FSIP2: variants seen among roughly 807,000 people sequenced by gnomAD.
FSIP2 encodes the protein fibrous sheath interacting protein 2.
In FSIP2, 367 loss-of-function variants were observed where a neutral mutation model predicts 510.5. The ratio of observed to expected loss-of-function variants is 0.72; its 90% confidence interval spans 0.66 to 0.78. The LOEUF is 0.78. FSIP2 is among the 30% of genes least tolerant of loss of function. The pLI, the probability that FSIP2 is intolerant of heterozygous loss-of-function variation, is 0.00. For synonymous variants in FSIP2, 2,601 were observed against 2,732.2 expected, an observed-to-expected ratio of 0.95 and a Z score of 1.50; for missense variants, 7,594 against 7,901.7, an observed-to-expected ratio of 0.96 and a Z score of 1.48.
At chr2:185,777,867 T>C (rs1480638125) in intron 13 of FSIP2, among the ~76,000 whole-genome samples, 1 of 152,110 alleles carries the variant, frequency 6.6e-6, no homozygotes. Context: ...ACTAGCCCCA[T>C]GAGTTAATTA....
upstream of FSIP2, among the ~76,000 whole-genome samples, chr2:185,737,410 G>A (rs1449084617): frequency 2.0e-5 from 3 of 152,128 alleles, no homozygotes; most frequent in African/African-American, 4.8e-5. Flanking sequence ...TGGATTTTTG[G>A]GGTAGATGGT....
chr2:185,824,294 T>C, intron 19 of FSIP2, 140 bp from the exon 20 acceptor site: 1 of 642,444 alleles, frequency 1.6e-6, no homozygotes, highest in Non-Finnish European at 2.8e-6. Context: ...GAAATCATTT[T>C]TATGTGATTT....
chr2:185,761,868 G>C (rs1203033973), intron 10 of FSIP2, 104 bp from the exon 11 acceptor site: 1 of 571,198 alleles, frequency 1.8e-6, no homozygotes, highest in Non-Finnish European at 3.0e-6. Flanking sequence ...CTGGTTAAAA[G>C]AGGGAAAACA....
chr2:185,756,202 G>T lies in FSIP2; in HGVS notation c.1002G>T (p.Lys334Asn), dbSNP rs756690417. The change falls in exon 9 of 23, where the codon AAG becomes AAT. Residue 334 changes from lysine (K) to asparagine (N), a missense_variant. Coordinates refer to ENST00000424728, the MANE Select transcript of FSIP2 (RefSeq NM_173651.4). Reference protein sequence around the residue: ...RGQDGTHASPKNKKKTSEDIM... With the variant: ...RGQDGTHASPNNKKKTSEDIM... The stretch of plus-strand genomic sequence containing the variant: ...TTATATTTCTTTAAGCTTCTCCAAA[G>T]AATAAAAAGAAGACTTCTGAAGATA... The T allele has an allele frequency of 7.9e-7, 1 of 1,267,548 alleles. No individual in the cohort carries two copies. The highest frequency in any genetic ancestry group is 1.4e-5 in the South Asian group (1 of 70,030). 78.5% of individuals were successfully genotyped at this position (1,267,548 alleles called of 1,614,324 possible). A position where few individuals can be genotyped will look rare whatever the true frequency, so the allele number is the denominator to read the frequency against.
chr2:185,811,448 G>C (rs1693726506), intron 17 of FSIP2, among the ~76,000 whole-genome samples: 1 of 140,972 alleles, frequency 7.1e-6, no homozygotes, highest in Non-Finnish European at 1.5e-5. Flanking sequence ...CAGCCTGGGT[G>C]ACAAAGCGAG....
At chr2:185,820,234 A>C (rs182137748) in intron 19 of FSIP2, among the ~76,000 whole-genome samples, 1 of 151,836 alleles carries the variant, frequency 6.6e-6, no homozygotes, top group Admixed American at 6.6e-5. Context: ...TTCTGTAAGG[A>C]GCTTTTCCCC....
chr2:185,764,277 G>C (rs1692415555), intron 12 of FSIP2, among the ~76,000 whole-genome samples: 2 of 151,628 alleles, frequency 1.3e-5, no homozygotes, highest in Non-Finnish European at 3.0e-5. Context: ...CAAATGTGTA[G>C]GTGGTTTTAA....
intron 2 of FSIP2, chr2:185,740,534 A>G (rs568324591): frequency 5.1e-4 from 77 of 152,370 alleles, no homozygotes; most frequent in African/African-American, 1.8e-3. Flanking sequence ...ATGTCATCAG[A>G]AATAAATAGA....
chr2:185,796,270 C>T lies in FSIP2; in HGVS notation c.9134C>T (p.Pro3045Leu). Residue 3045 changes from proline to leucine, a missense_variant, in exon 16 of 23, where the codon CCA (proline) becomes CTA (leucine). Coordinates refer to ENST00000424728, the MANE Select transcript of FSIP2 (RefSeq NM_173651.4). The part of the protein sequence containing the change: ...LNKKMLPKLQ[P>L]LKMFSDKSES... Reference sequence around the variant, plus strand: ...AAAAAAATGTTGCCAAAATTACAACCACTGAAAATGTTTTCTGATAAATCC... The same window carrying T: ...AAAAAAATGTTGCCAAAATTACAACTACTGAAAATGTTTTCTGATAAATCC... 1 of 1,532,496 alleles carries T rather than the reference C, an allele frequency of 6.5e-7. No homozygotes were observed. The highest frequency in any genetic ancestry group is 8.7e-7 in the Non-Finnish European group (1 of 1,145,272). The allele number at this position is 1,532,496 out of a possible 1,614,324, so 94.9% of individuals were successfully genotyped here. A position where few individuals can be genotyped will look rare whatever the true frequency, so the allele number is the denominator to read the frequency against.
chr2:185,793,177 T>C lies in FSIP2; in HGVS notation c.6041T>C (p.Ile2014Thr). The C allele has an allele frequency of 6.5e-7, 1 of 1,534,074 alleles. No homozygotes were observed. The highest frequency in any genetic ancestry group is 8.7e-7 in the Non-Finnish European group (1 of 1,145,518). Residue 2014 changes from isoleucine to threonine, a missense_variant, in exon 16 of 23, where the codon ATC becomes ACC. By Grantham distance (89) the Ile-to-Thr change is moderately conservative. Coordinates refer to ENST00000424728, the MANE Select transcript of FSIP2 (RefSeq NM_173651.4). ...GTGGCTAGAAGAAATTTACAAGGAA[T>C]CAAACAGGAATTAGATAAAGAAAGG... ...LQVARRNLQG[I>T]KQELDKEREN...
chr2:185,827,408 T>C (rs1694032672), intron 20 of FSIP2, among the ~76,000 whole-genome samples: 1 of 151,834 alleles, frequency 6.6e-6, no homozygotes, highest in Admixed American at 6.6e-5. Context: ...CTCATTCCTA[T>C]ACTATGCATG....
At chr2:185,743,078 A>G in intron 2 of FSIP2, 55 bp from the exon 3 acceptor site, 1 of 1,106,238 alleles carries the variant, frequency 9.0e-7, no homozygotes, top group Non-Finnish European at 1.2e-6. Flanking sequence ...ATTTTGATAG[A>G]TTATTTAAAG....
At chr2:185,812,551 G>A (rs555250942) in intron 17 of FSIP2, among the ~76,000 whole-genome samples, 1 of 152,016 alleles carries the variant, frequency 6.6e-6, no homozygotes, top group Non-Finnish European at 1.5e-5. Context: ...AGAAAGAAAG[G>A]TTAGGTTAGA....
rs960232703 is a variant in FSIP2 at position 185,790,064 on chromosome 2, C to T, written c.2928C>T (p.Gly976=). 6.5e-7 allele frequency: 1 copy of T among 1,533,458 alleles called. No individual in the cohort carries two copies. Among genetic ancestry groups the T allele is most frequent in the South Asian group, 1.2e-5 (1 of 83,922 alleles). The allele number at this position is 1,533,458 out of a possible 1,614,324, so 95.0% of individuals were successfully genotyped here. A position where few individuals can be genotyped will look rare whatever the true frequency, so the allele number is the denominator to read the frequency against. Residue 976 remains glycine (G), a synonymous_variant, in exon 16 of 23, where the codon GGC becomes GGT. Transcript: ENST00000424728. ...CCAAAGAAAAGTACAGACTCACTGG[C>T]ACTAGATTATCAAATAGTCCTAGGT... ...SDTKEKYRLT[G]TRLSNSPRSG... is the part of the protein sequence containing the mutation.
chr2:185,833,180 C>T lies in FSIP2; in HGVS notation c.20678C>T (p.Thr6893Ile). 6.2e-7 allele frequency: 1 copy of T among 1,611,026 alleles called. No homozygotes were observed. The highest frequency in any genetic ancestry group is 8.5e-7 in the Non-Finnish European group (1 of 1,178,016). The stretch of plus-strand genomic sequence containing the variant: ...TCAAAGGTGTTTTCTCAATGTAACA[C>T]CAATATTTCCAGATCTTCCTCACCA... ...TLSKVFSQCNTNISRSSSPAH... is the reference protein window; with the variant it reads ...TLSKVFSQCNINISRSSSPAH... The change falls in exon 23 of 23, where the codon ACC (threonine) becomes ATC (isoleucine). Residue 6893 changes from threonine (T) to isoleucine (I), a missense_variant. Transcript: ENST00000424728.
intron 18 of FSIP2, among the ~76,000 whole-genome samples, chr2:185,814,885 G>A (rs1012729957): frequency 5.9e-5 from 9 of 151,880 alleles, no homozygotes; most frequent in African/African-American, 9.7e-5. Context: ...ATGTGATTCC[G>A]AGGTTAACAC....
intron 18 of FSIP2, among the ~76,000 whole-genome samples, 162 bp downstream of exon 18, chr2:185,814,204 A>G (rs371682124): frequency 3.3e-5 from 5 of 152,094 alleles, no homozygotes; most frequent in Non-Finnish European, 7.4e-5. Context: ...AGGTACAGCT[A>G]TGAAACTCAA....
At chr2:185,813,493 G>C in intron 17 of FSIP2, 52 bp from the exon 18 acceptor site, 1 of 1,199,828 alleles carries the variant, frequency 8.3e-7, no homozygotes, top group East Asian at 2.5e-5. Context: ...TTGAACTATA[G>C]GAAAGTGATT....
Position 185,743,301 on chromosome 2 carries a change from T to C in FSIP2, c.387+7T>C. On this transcript the variant is annotated splice_region_variant and intron_variant, in intron 3 of 22. Coordinates refer to ENST00000424728, the MANE Select transcript of FSIP2 (RefSeq NM_173651.4). ...CATCACCAGCAATAATAAAGTGGGT[T>C]GAAAATTACTTCTTTTTTTAATCAA... 2.0e-6 allele frequency: 3 copies of C among 1,471,914 alleles called. No individual in the cohort carries two copies. Among genetic ancestry groups the C allele is most frequent in the Non-Finnish European group, 1.8e-6 (2 of 1,118,852 alleles). The allele number at this position is 1,471,914 out of a possible 1,614,324, so 91.2% of individuals were successfully genotyped here. A position where few individuals can be genotyped will look rare whatever the true frequency, so the allele number is the denominator to read the frequency against.
Sources: allele counts gnomAD v4.1 joint callset (sites outside exome capture counted in the v4.1 genomes callset), GRCh38; gene constraint gnomAD v4.1.1; transcripts MANE v1.5; gene names NCBI Gene and HGNC (gene_info 2026-07-23, HGNC 2026-07-21).